Variants in MYLK observed in about 807,000 individuals in gnomAD.
MYLK encodes myosin light chain kinase, smooth muscle.
A neutral mutation model predicts 203.4 loss-of-function variants in MYLK; 106 were observed. The observed-to-expected ratio is 0.52, with a 90% CI of 0.45 to 0.61. MYLK has a LOEUF of 0.61. Among genes scored for constraint, MYLK ranks in the 20% least tolerant of loss-of-function variants. The pLI, the probability that MYLK is intolerant of heterozygous loss-of-function variation, is 0.00. For synonymous variants in MYLK, 867 were observed against 959.5 expected, an observed-to-expected ratio of 0.90 and a Z score of 1.78; for missense variants, 2,072 against 2,442.3, an observed-to-expected ratio of 0.85 and a Z score of 3.20.
chr3:123,679,488 C>A (rs2060189411), intron 20 of MYLK, among the ~76,000 whole-genome samples: 1 of 151,974 alleles, frequency 6.6e-6, no homozygotes, highest in South Asian at 2.1e-4. Flanking sequence ...CAGCTAGAGC[C>A]AGCCTGGCAC....
intron 3 of MYLK, chr3:123,831,268 G>A (rs1188815522): frequency 1.6e-5 from 13 of 815,270 alleles, no homozygotes; most frequent in Admixed American, 2.7e-5. Flanking sequence ...AGGGCAACCC[G>A]CAGGCCCTTA....
chr3:123,759,093 A>C (rs1313930245), intron 4 of MYLK, among the ~76,000 whole-genome samples: 1 of 152,206 alleles, frequency 6.6e-6, no homozygotes, highest in Non-Finnish European at 1.5e-5. Flanking sequence ...CCAAAGTGCT[A>C]GGATCATAAG....
At chr3:123,708,952 G>A (rs2061572403) in intron 14 of MYLK, 57 bp from the exon 15 acceptor site, 1 of 1,448,334 alleles carries the variant, frequency 6.9e-7, no homozygotes, top group Non-Finnish European at 9.7e-7. Flanking sequence ...CGGCCATGCA[G>A]CAACTCTGCG....
intron 12 of MYLK, among the ~76,000 whole-genome samples, 171 bp downstream of exon 12, chr3:123,725,773 A>C (rs112830880): frequency 0.017 from 2,595 of 152,350 alleles, 80 homozygotes; most frequent in African/African-American, 0.058. Context: ...TAACTTGCTC[A>C]GCCAGTCGGG....
At chr3:123,871,080 C>A (rs976743762) in intron 2 of MYLK, among the ~76,000 whole-genome samples, 1 of 152,046 alleles carries the variant, frequency 6.6e-6, no homozygotes, top group African/African-American at 2.4e-5. Flanking sequence ...TGGTCCCACC[C>A]CCAAGCAGAA....
chr3:123,748,788 A>G (rs2063099103), intron 5 of MYLK, among the ~76,000 whole-genome samples: 1 of 152,162 alleles, frequency 6.6e-6, no homozygotes, highest in African/African-American at 2.4e-5. Context: ...TAAATACATA[A>G]GGCCGGGCAC....
chr3:123,627,092 G>T, intron 30 of MYLK, 151 bp from the exon 31 acceptor site: 1 of 876,690 alleles, frequency 1.1e-6, no homozygotes, highest in Non-Finnish European at 1.8e-6. Context: ...CAGGATCACT[G>T]TGCTCTTCAC....
chr3:123,725,859 A>G, intron 12 of MYLK, 85 bp downstream of exon 12: 1 of 1,547,504 alleles, frequency 6.5e-7, no homozygotes. Context: ...CAAGGCATAA[A>G]TGGCTCAGAG....
At chr3:123,682,377 G>C in intron 19 of MYLK, 67 bp from the exon 20 acceptor site, 1 of 1,286,430 alleles carries the variant, frequency 7.8e-7, no homozygotes, top group Non-Finnish European at 1.1e-6. Flanking sequence ...GGGTCTCTCA[G>C]TCAAAATCCC....
intron 1 of MYLK, among the ~76,000 whole-genome samples, chr3:123,880,682 T>G (rs2033473311): frequency 6.6e-6 from 1 of 152,142 alleles, no homozygotes; most frequent in South Asian, 2.1e-4. Context: ...ACACAAAAAT[T>G]TCCACAGCTC....
chr3:123,860,398 G>C (rs1211350656), intron 2 of MYLK, among the ~76,000 whole-genome samples: 1 of 152,304 alleles, frequency 6.6e-6, no homozygotes, highest in South Asian at 2.1e-4. Flanking sequence ...CATGCTGAAA[G>C]AGACTTTTTG....
intron 19 of MYLK, among the ~76,000 whole-genome samples, chr3:123,688,816 T>C (rs1429079545): frequency 1.3e-5 from 2 of 152,206 alleles, no homozygotes; most frequent in Admixed American, 1.3e-4. Flanking sequence ...TGTTCAAATG[T>C]TCCTTCCTCA....
intron 4 of MYLK, among the ~76,000 whole-genome samples, chr3:123,769,119 C>T (rs146253163): frequency 9.9e-5 from 15 of 151,738 alleles, no homozygotes; most frequent in Non-Finnish European, 2.1e-4. Flanking sequence ...ATCACCATGA[C>T]ATCACCTTCC....
At chr3:123,839,592 G>T (rs2066545952) in intron 2 of MYLK, among the ~76,000 whole-genome samples, 1 of 152,090 alleles carries the variant, frequency 6.6e-6, no homozygotes, top group Admixed American at 6.5e-5. Flanking sequence ...GGAGAACTAG[G>T]AAAATCCGCA....
chr3:123,633,384 C>T (rs2058513872), intron 29 of MYLK, among the ~76,000 whole-genome samples: 1 of 151,936 alleles, frequency 6.6e-6, no homozygotes, highest in South Asian at 2.1e-4. Flanking sequence ...ACCTTGGCCT[C>T]CCAAAGGGCT....
chr3:123,830,373 A>G (rs564938709), intron 3 of MYLK, among the ~76,000 whole-genome samples: 7 of 152,230 alleles, frequency 4.6e-5, no homozygotes, highest in Non-Finnish European at 8.8e-5. Flanking sequence ...TTAGAGTCCA[A>G]CCTTATAGTC....
Position 123,853,625 on chromosome 3 carries a change from C to G in MYLK, c.-126-21955G>C, listed in dbSNP as rs79360543. Among the ~76,000 whole-genome samples the G allele has an allele frequency of 6.6e-3, 1,001 of 152,102 alleles. 9 individuals carry two copies. Among genetic ancestry groups the G allele is most frequent in the African/African-American group, 0.02 (845 of 41,498 alleles). On this transcript the variant is annotated intron_variant, in intron 2 of 33. Coordinates refer to ENST00000360304, the MANE Select transcript of MYLK (RefSeq NM_053025.4). ...GAGGTGTAGGGAGCAGGTGACTTGT[C>G]ATTTTAAATTCTGGATCAAGAGCTG... is the stretch of plus-strand genomic sequence containing the variant.
chr3:123,709,346 T>C, intron 14 of MYLK: 1 of 268,904 alleles, frequency 3.7e-6, no homozygotes, highest in East Asian at 9.5e-5. Flanking sequence ...TTTCACCGTG[T>C]TAGCCAGGAT....
chr3:123,764,067 T>C (rs563622827), intron 4 of MYLK, among the ~76,000 whole-genome samples: 2 of 152,362 alleles, frequency 1.3e-5, no homozygotes, highest in Middle Eastern at 3.4e-3. Flanking sequence ...TTGGCTATCA[T>C]TAACTTCAAA....
Sources: allele counts gnomAD v4.1 joint callset (sites outside exome capture counted in the v4.1 genomes callset), GRCh38; gene constraint gnomAD v4.1.1; transcripts MANE v1.5; gene names NCBI Gene and HGNC (gene_info 2026-07-23, HGNC 2026-07-21).